SKAP1: variants seen among roughly 807,000 people sequenced by gnomAD.
SKAP1 encodes src kinase associated phosphoprotein 1, also known as src kinase-associated phosphoprotein 1.
SKAP1 carries 44 observed loss-of-function variants against 58.5 expected under a neutral mutation model. The ratio of observed to expected loss-of-function variants is 0.75; its 90% CI spans 0.59 to 0.97. SKAP1 has a LOEUF of 0.97. Ranked by LOEUF, SKAP1 falls within the 50% of genes least tolerant of loss-of-function variation. The pLI, the probability that SKAP1 is intolerant of heterozygous loss-of-function variation, is 0.00. For missense variants in SKAP1, 390 were observed against 435.2 expected, an observed-to-expected ratio of 0.90 and a Z score of 0.92; for synonymous variants, 127 against 149.7, an observed-to-expected ratio of 0.85 and a Z score of 1.11.
At chr17:48,438,360 C>A in the SKAP1 span, among the ~76,000 whole-genome samples, 1 of 152,200 alleles carries the variant, frequency 6.6e-6, no homozygotes, top group African/African-American at 2.4e-5. Context: ...TAGCACCTGT[C>A]AGATGCTCAA....
intron 2 of SKAP1, among the ~76,000 whole-genome samples, chr17:48,388,290 C>T (rs374240929): frequency 3.9e-5 from 6 of 151,908 alleles, no homozygotes; most frequent in African/African-American, 9.7e-5. Flanking sequence ...AAAAATTAGC[C>T]GGGCATGGTG....
chr17:48,380,348 GCTA>G (rs1232254473), intron 2 of SKAP1: 1 of 152,222 alleles, frequency 6.6e-6, no homozygotes, highest in Non-Finnish European at 1.5e-5. Context: ...AATGTTGTCA[GCTA>G]CTGACAGTTC....
chr17:48,156,701 A>T (rs1357903484), intron 11 of SKAP1, among the ~76,000 whole-genome samples: 1 of 152,232 alleles, frequency 6.6e-6, no homozygotes, highest in African/African-American at 2.4e-5. Flanking sequence ...GAATGCATGG[A>T]TGTGATGCAG....
upstream of SKAP1, among the ~76,000 whole-genome samples, chr17:48,432,856 T>C (rs984616126): frequency 6.6e-6 from 1 of 152,220 alleles, no homozygotes; most frequent in Non-Finnish European, 1.5e-5. Flanking sequence ...ACCCAGGTAA[T>C]TGCACTTCTT....
intron 4 of SKAP1, among the ~76,000 whole-genome samples, chr17:48,329,057 G>C (rs929035582): frequency 2.6e-5 from 4 of 152,154 alleles, no homozygotes; most frequent in Non-Finnish European, 5.9e-5. Flanking sequence ...CATTTCAAGT[G>C]CTCAATAGTT....
At chr17:48,220,219 A>G (rs1048281411) in intron 4 of SKAP1, among the ~76,000 whole-genome samples, 2 of 152,220 alleles carry the variant, frequency 1.3e-5, no homozygotes, top group Non-Finnish European at 2.9e-5. Flanking sequence ...AGAAATGCCA[A>G]CATAGTGGTG....
intron 4 of SKAP1, among the ~76,000 whole-genome samples, chr17:48,198,181 C>T (rs938747406): frequency 2.0e-5 from 3 of 152,008 alleles, no homozygotes; most frequent in Non-Finnish European, 4.4e-5. Flanking sequence ...TTTGGCCGGG[C>T]GCGGTGGCTC....
intron 4 of SKAP1, among the ~76,000 whole-genome samples, chr17:48,323,423 T>A (rs1213922784): frequency 6.6e-6 from 1 of 151,992 alleles, no homozygotes; most frequent in Admixed American, 6.6e-5. Context: ...TAAAACCAAA[T>A]AAAAATTTCT....
At chr17:48,188,889 A>T (rs1041344408) in intron 5 of SKAP1, among the ~76,000 whole-genome samples, 4 of 152,244 alleles carry the variant, frequency 2.6e-5, no homozygotes, top group Admixed American at 2.6e-4. Flanking sequence ...AGTCCCAGTT[A>T]CTCAGGAGGC....
intron 11 of SKAP1, among the ~76,000 whole-genome samples, chr17:48,155,105 C>CATGATGATG (rs1201674639): frequency 6.6e-6 from 1 of 150,524 alleles, no homozygotes; most frequent in Non-Finnish European, 1.5e-5. Flanking sequence ...GTGGAACAAG[C>CATGATGATG]ATGATGATGA....
At chr17:48,153,024 G>GACAC (rs10537609) in intron 11 of SKAP1, among the ~76,000 whole-genome samples, 14 of 150,552 alleles carry the variant, frequency 9.3e-5, no homozygotes, top group African/African-American at 2.7e-4. Context: ...TGTGCACATG[G>GACAC]ACACACACAC....
At chr17:48,373,873 C>A (rs141076571) in intron 2 of SKAP1, among the ~76,000 whole-genome samples, 440 of 152,240 alleles carry the variant, frequency 2.9e-3, no homozygotes, top group African/African-American at 0.01. Flanking sequence ...AACTCTAGAA[C>A]ATCTAGATGA....
At chr17:48,212,286 G>C (rs1433692026) in intron 4 of SKAP1, among the ~76,000 whole-genome samples, 1 of 152,080 alleles carries the variant, frequency 6.6e-6, no homozygotes, top group Non-Finnish European at 1.5e-5. Flanking sequence ...AATCATAACA[G>C]AGGCCTCAAA....
rs570878450 is a variant in SKAP1 at position 48,150,620 on chromosome 17, A to G, written c.978+11849T>C. Among the ~76,000 whole-genome samples, 9 of 152,352 alleles carry G rather than the reference A, an allele frequency of 5.9e-5. No homozygotes were observed. In the South Asian group the frequency reaches 1.9e-3, roughly 32 times the overall value. On this transcript the variant is annotated intron_variant, in intron 11 of 12. Transcript: ENST00000336915. ...CCTATAAATCGGGACCTTGCTGAAC[A>G]TAATTCTGCAGACAAGGAGGTGGAT... is the stretch of plus-strand genomic sequence containing the variant.
At chr17:48,266,135 C>T (rs976480519) in intron 4 of SKAP1, among the ~76,000 whole-genome samples, 2 of 152,080 alleles carry the variant, frequency 1.3e-5, no homozygotes, top group Admixed American at 1.3e-4. Flanking sequence ...CCCACACCTA[C>T]ACACACCCAC....
chr17:48,205,881 C>T (rs1009420713), intron 4 of SKAP1, among the ~76,000 whole-genome samples: 2 of 152,272 alleles, frequency 1.3e-5, no homozygotes, highest in Admixed American at 6.5e-5. Context: ...ACCTCCCAGG[C>T]ATCCTTTCTC....
At chr17:48,202,231 G>A (rs903102184) in intron 4 of SKAP1, among the ~76,000 whole-genome samples, 2 of 152,146 alleles carry the variant, frequency 1.3e-5, no homozygotes, top group Non-Finnish European at 2.9e-5. Flanking sequence ...AGCAAACACA[G>A]CAGAAAAGAC....
At chr17:48,405,450 T>TTTCTTTCTTTCTTTC (rs1441641292) in intron 1 of SKAP1, among the ~76,000 whole-genome samples, 1 of 94,006 alleles carries the variant, frequency 1.1e-5, no homozygotes, top group African/African-American at 3.9e-5. Context: ...TCTTTCTTTC[T>TTTCTTTCTTTCTTTC]TTTCTTTCTT....
At chr17:48,239,483 G>A (rs918781296) in intron 4 of SKAP1, among the ~76,000 whole-genome samples, 6 of 152,146 alleles carry the variant, frequency 3.9e-5, no homozygotes, top group Non-Finnish European at 7.3e-5. Flanking sequence ...GGAAACCTCA[G>A]GGAGTTAATC....
Sources: allele counts gnomAD v4.1 joint callset (sites outside exome capture counted in the v4.1 genomes callset), GRCh38; gene constraint gnomAD v4.1.1; transcripts MANE v1.5; gene names NCBI Gene and HGNC (gene_info 2026-07-23, HGNC 2026-07-21).